NRG4: variants seen among roughly 807,000 people sequenced by gnomAD.
NRG4 encodes pro-neuregulin-4, membrane-bound isoform.
NRG4 carries 10 observed loss-of-function variants against 15.0 expected under a neutral mutation model. The observed-to-expected ratio is 0.67, with a 90% CI of 0.41 to 1.13. The LOEUF (loss-of-function observed/expected upper bound fraction) is 1.13. Ranked by LOEUF, NRG4 falls within the 50% of genes most tolerant of loss-of-function variation. The probability of loss-of-function intolerance (pLI) is 0.00; values close to 1 mark genes in which losing one functional copy is unlikely to be tolerated. For missense variants in NRG4, 139 were observed against 140.2 expected (o/e 0.99, Z 0.04); for synonymous variants, 41 against 50.1 (o/e 0.82, Z 0.77).
chr15:76,048,090 C>A (rs1486053224), intron 4 of NRG4, among the ~76,000 whole-genome samples: 1 of 146,702 alleles, frequency 6.8e-6, no homozygotes, highest in African/African-American at 2.6e-5. Flanking sequence ...CCCAGGAGTT[C>A]AAGGCTGTGG....
intron 3 of NRG4, among the ~76,000 whole-genome samples, chr15:75,996,353 G>T (rs2034215110): frequency 6.6e-6 from 1 of 152,126 alleles, no homozygotes; most frequent in African/African-American, 2.4e-5. Flanking sequence ...ACTCATTGGG[G>T]CTATTTATTC....
At chr15:75,959,173 A>G in intron 4 of NRG4, 1 of 391,630 alleles carries the variant, frequency 2.6e-6, no homozygotes. Context: ...TGTTTTGTAC[A>G]GACGGGGTCT....
intron 4 of NRG4, among the ~76,000 whole-genome samples, chr15:76,045,262 T>C (rs1004687444): frequency 6.6e-5 from 10 of 151,190 alleles, no homozygotes; most frequent in Admixed American, 1.3e-4. Flanking sequence ...TCAGTTAAAA[T>C]GGCTTTTATC....
chr15:75,937,259 C>T (rs2030440177), downstream of NRG4: 1 of 150,758 alleles, frequency 6.6e-6, no homozygotes, highest in Non-Finnish European at 1.5e-5. Context: ...CCTGTAATTC[C>T]AGCACTTTGG....
At chr15:75,961,266 T>G (rs1048685054) in intron 4 of NRG4, among the ~76,000 whole-genome samples, 2 of 152,030 alleles carry the variant, frequency 1.3e-5, no homozygotes, top group Admixed American at 1.3e-4. Flanking sequence ...GCATAATTGC[T>G]TCATGCAAGT....
intron 5 of NRG4, among the ~76,000 whole-genome samples, chr15:76,029,380 C>T (rs181753921): frequency 6.6e-6 from 1 of 152,174 alleles, no homozygotes; most frequent in Non-Finnish European, 1.5e-5. Context: ...AAGATGCCCA[C>T]TCTCACCACT....
chr15:75,947,789 G>A (rs772729180), intron 5 of NRG4, among the ~76,000 whole-genome samples: 4 of 152,056 alleles, frequency 2.6e-5, no homozygotes, highest in Non-Finnish European at 5.9e-5. Context: ...ATTTCTACGT[G>A]TTCTCACCAA....
At chr15:76,027,612 C>T (rs182801558) in intron 5 of NRG4, among the ~76,000 whole-genome samples, 1 of 152,190 alleles carries the variant, frequency 6.6e-6, no homozygotes, top group Admixed American at 6.5e-5. Flanking sequence ...GGGACATCAA[C>T]ACCCACTCTC....
intron 3 of NRG4, among the ~76,000 whole-genome samples, chr15:75,998,355 G>A (rs1308524268): frequency 6.6e-6 from 1 of 152,174 alleles, no homozygotes; most frequent in South Asian, 2.1e-4. Context: ...TTTTTAAAAA[G>A]TGGTCTAGGA....
chr15:76,019,951 G>A (rs1423098003), intron 5 of NRG4, among the ~76,000 whole-genome samples: 3 of 152,102 alleles, frequency 2.0e-5, no homozygotes, highest in Non-Finnish European at 4.4e-5. Context: ...GTGTCTGTTG[G>A]TGCCATTTTT....
downstream of NRG4, chr15:75,938,530 A>C (rs2030602951): frequency 6.6e-6 from 1 of 152,228 alleles, no homozygotes; most frequent in Non-Finnish European, 1.5e-5. Context: ...ATGAACAAAG[A>C]ATTAAAGAAA....
At chr15:75,946,669 T>G (rs2031535689) in intron 5 of NRG4, among the ~76,000 whole-genome samples, 1 of 152,282 alleles carries the variant, frequency 6.6e-6, no homozygotes, top group East Asian at 1.9e-4. Flanking sequence ...CTCCAGAACT[T>G]TTTCATCATC....
chr15:75,945,720 C>CT (rs1350961966), intron 5 of NRG4: 1 of 152,130 alleles, frequency 6.6e-6, no homozygotes, highest in Non-Finnish European at 1.5e-5. Flanking sequence ...TTCAGGCTGA[C>CT]TGACTTTTTA....
chr15:76,055,117 T>C (rs2036122881), intron 2 of NRG4, among the ~76,000 whole-genome samples: 12 of 152,052 alleles, frequency 7.9e-5, no homozygotes, highest in Admixed American at 7.9e-4. Context: ...CCAACTCTAC[T>C]GAAAAAAATA....
Position 75,961,926 on chromosome 15 carries a change from T to C in NRG4, c.153A>G (p.Pro51=), listed in dbSNP as rs750344820. ...TACTTTTAGTTTGGATGCTGGAGCC[T>C]GGGAGAAAAACCTCTTCACAACGAG... ...TGARCEEVFL[P]GSSIQTKSNL... is the part of the protein sequence containing the mutation. Residue 51 remains proline (P), a synonymous_variant, in exon 4 of 6, where the codon CCA becomes CCG. Transcript: ENST00000394907. The C allele has an allele frequency of 6.2e-7, 1 of 1,613,620 alleles. No individual in the cohort carries two copies. The highest frequency in any genetic ancestry group is 1.1e-5 in the South Asian group (1 of 91,070).
chr15:75,950,084 A>C (rs2031787868), intron 5 of NRG4, among the ~76,000 whole-genome samples: 1 of 152,192 alleles, frequency 6.6e-6, no homozygotes, highest in Non-Finnish European at 1.5e-5. Context: ...TACAATATTG[A>C]ATCTTCCAAA....
At chr15:76,033,241 T>C (rs1483371447) in intron 5 of NRG4, among the ~76,000 whole-genome samples, 1 of 152,216 alleles carries the variant, frequency 6.6e-6, no homozygotes, top group African/African-American at 2.4e-5. Flanking sequence ...TGTTTTGTTT[T>C]AGTTTGTTTG....
intron 3 of NRG4, 81 bp from the exon 4 acceptor site, chr15:75,962,055 G>C (rs538133093): frequency 9.2e-7 from 1 of 1,085,434 alleles, no homozygotes; most frequent in South Asian, 1.7e-5. Context: ...TCCAGATGAC[G>C]TGAAGAAAAA....
At chr15:75,936,083 A>AGTG (rs2030313150), downstream of NRG4, 2 of 152,134 alleles carry the variant, frequency 1.3e-5, no homozygotes, top group Non-Finnish European at 2.9e-5. Flanking sequence ...CACTGCGCCC[A>AGTG]GCCACAAATC....
Sources: gnomAD v4.1 joint callset for allele counts (sites outside exome capture counted in the v4.1 genomes callset) on GRCh38, gnomAD v4.1.1 for gene constraint, MANE v1.5 for transcripts, NCBI Gene and HGNC (gene_info 2026-07-23, HGNC 2026-07-21) for gene names.